The following IGFBP4 variants were observed in gnomAD, a reference collection of about 807,000 sequenced individuals.
IGFBP4 encodes the protein insulin-like growth factor-binding protein 4.
In IGFBP4, 9 loss-of-function variants were observed where a neutral mutation model predicts 25.8. The observed-to-expected ratio is 0.35, with a 90% confidence interval of 0.21 to 0.61. The LOEUF (loss-of-function observed/expected upper bound fraction) is 0.61, where lower values mean the gene tolerates loss of function less well. Ranked by LOEUF, IGFBP4 falls within the 20% of genes least tolerant of loss-of-function variation. IGFBP4 has a pLI of 0.77. For missense variants in IGFBP4, 315 were observed against 365.3 expected, an observed-to-expected ratio of 0.86 and a Z score of 1.12; for synonymous variants, 153 against 153.9, an observed-to-expected ratio of 0.99 and a Z score of 0.05.
chr17:40,444,091 T>C lies in IGFBP4; in HGVS notation c.349+7T>C. ...GAAAGCCTGCAGCCCTCTGGTAAGGTACCCCTGGCCTCCCAATTCCCTCCT... is the reference window on the plus strand; with the variant it reads ...GAAAGCCTGCAGCCCTCTGGTAAGGCACCCCTGGCCTCCCAATTCCCTCCT... On this transcript the variant is annotated splice_region_variant and intron_variant, in intron 1 of 3. Coordinates refer to ENST00000269593, the MANE Select transcript of IGFBP4 (RefSeq NM_001552.3). 1.3e-6 allele frequency: 2 copies of C among 1,530,618 alleles called. No individual in the cohort carries two copies. Among genetic ancestry groups the C allele is most frequent in the South Asian group, 1.2e-5 (1 of 83,850 alleles). The allele number at this position is 1,530,618 out of a possible 1,614,324, so 94.8% of individuals were successfully genotyped here. A position where few individuals can be genotyped will look rare whatever the true frequency, so the allele number is the denominator to read the frequency against.
chr17:40,446,973 C>T (rs771832250), intron 1 of IGFBP4, among the ~76,000 whole-genome samples: 4 of 152,262 alleles, frequency 2.6e-5, no homozygotes, highest in Admixed American at 2.0e-4. Flanking sequence ...CCCCTACCCA[C>T]CCATCTTTTT....
chr17:40,444,119 G>T, intron 1 of IGFBP4, 35 bp downstream of exon 1: 1 of 1,462,870 alleles, frequency 6.8e-7, no homozygotes, highest in Non-Finnish European at 9.2e-7. Flanking sequence ...TCCCTCCTGA[G>T]TGCGCTCCCT....
At chr17:40,444,932 CAGAG>C (rs10603634) in intron 1 of IGFBP4, among the ~76,000 whole-genome samples, 3,326 of 74,340 alleles carry the variant, frequency 0.045, 99 homozygotes, top group East Asian at 0.089. Flanking sequence ...CACACAGAGA[CAGAG>C]AGAGAGAGAG....
rs1337663030 is a variant in IGFBP4 at position 40,452,934 on chromosome 17, C to T, written c.350-51C>T. 4.4e-6 allele frequency: 6 copies of T among 1,375,282 alleles called. No individual in the cohort carries two copies. In the South Asian group the frequency reaches 5.4e-5, roughly 12 times the overall value. 85.2% of individuals were successfully genotyped at this position (1,375,282 alleles called of 1,614,324 possible). ...TGGGTGGGAGGCTGGGTTGGTGTGA[C>T]GCTCTGACCTCTTCCGGTGCTGACC... On this transcript the variant is annotated intron_variant, in intron 1 of 3. Transcript: ENST00000269593.
chr17:40,448,110 A>G (rs1338680747), intron 1 of IGFBP4, among the ~76,000 whole-genome samples: 1 of 152,220 alleles, frequency 6.6e-6, no homozygotes, highest in Non-Finnish European at 1.5e-5. Context: ...CTAGGGGAAG[A>G]GGGAAAAGAC....
chr17:40,446,232 G>C (rs116944733), intron 1 of IGFBP4, among the ~76,000 whole-genome samples: 194 of 151,152 alleles, frequency 1.3e-3, no homozygotes, highest in Non-Finnish European at 1.7e-3. Context: ...AGGTATTTGG[G>C]AGTCTGAGAT....
chr17:40,450,887 G>C (rs1369417713), intron 1 of IGFBP4, among the ~76,000 whole-genome samples: 2 of 152,082 alleles, frequency 1.3e-5, no homozygotes, highest in African/African-American at 4.8e-5. Context: ...TTACACCCCT[G>C]AAACACGGTG....
At chr17:40,449,603 G>T (rs1278141397) in intron 1 of IGFBP4, among the ~76,000 whole-genome samples, 1 of 152,106 alleles carries the variant, frequency 6.6e-6, no homozygotes, top group East Asian at 1.9e-4. Context: ...AAAAAAATTA[G>T]CTGGGCATGG....
rs1187956884 is a variant in IGFBP4 at position 40,456,895 on chromosome 17, C to G, written c.*312C>G. On this transcript the variant is annotated 3_prime_UTR_variant, in exon 4 of 4. Coordinates refer to ENST00000269593, the MANE Select transcript of IGFBP4 (RefSeq NM_001552.3). ...TTTCCAGATCGATCCTGGATTCACT[C>G]ACTCACTCATTCCTTCACTCATCCA... The G allele has an allele frequency of 2.8e-6, 1 of 359,464 alleles. No homozygotes were observed. 22.3% of individuals were successfully genotyped at this position (359,464 alleles called of 1,614,324 possible). A position where few individuals can be genotyped will look rare whatever the true frequency, so the allele number is the denominator to read the frequency against.
chr17:40,456,014 C>A (rs975712422), intron 3 of IGFBP4, among the ~76,000 whole-genome samples: 1 of 152,178 alleles, frequency 6.6e-6, no homozygotes, highest in Non-Finnish European at 1.5e-5. Flanking sequence ...TTAACCCTCA[C>A]CCAACTCATC....
intron 1 of IGFBP4, 35 bp downstream of exon 1, chr17:40,444,119 G>C: frequency 1.4e-6 from 2 of 1,462,870 alleles, no homozygotes; most frequent in Non-Finnish European, 1.8e-6. Flanking sequence ...TCCCTCCTGA[G>C]TGCGCTCCCT....
At chr17:40,455,384 G>C (rs897354986) in intron 3 of IGFBP4, among the ~76,000 whole-genome samples, 2 of 151,664 alleles carry the variant, frequency 1.3e-5, no homozygotes, top group African/African-American at 4.8e-5. Flanking sequence ...GCAGTGATGC[G>C]ATCACAGCTC....
At chr17:40,449,521 G>C (rs1276179675) in intron 1 of IGFBP4, among the ~76,000 whole-genome samples, 3 of 152,126 alleles carry the variant, frequency 2.0e-5, no homozygotes, top group Admixed American at 6.5e-5. Flanking sequence ...GGCCGAGGCA[G>C]GTGGATCACG....
intron 1 of IGFBP4, 61 bp downstream of exon 1, chr17:40,444,145 C>A: frequency 7.5e-7 from 1 of 1,334,096 alleles, no homozygotes; most frequent in Non-Finnish European, 1.0e-6. Flanking sequence ...GCGGCTTCTT[C>A]CCCATTCCAG....
At position 40,457,649 on chromosome 17, in the gene IGFBP4, A is replaced by T. The variant is rs1428840906; in HGVS notation, c.*1066A>T. 1 of 152,112 alleles carries T rather than the reference A, an allele frequency of 6.6e-6. No homozygotes were observed. Among genetic ancestry groups the T allele is most frequent in the African/African-American group, 2.4e-5 (1 of 41,390 alleles). 9.4% of individuals were successfully genotyped at this position (152,112 alleles called of 1,614,324 possible). ...TTGACTGGATGGAAGGAGACTTAGG[A>T]ACCTACCAGTTGGCCATGATGTCTT... On this transcript the variant is annotated 3_prime_UTR_variant, in exon 4 of 4. Coordinates refer to ENST00000269593, the MANE Select transcript of IGFBP4 (RefSeq NM_001552.3).
rs1309149766 is a variant in IGFBP4 at position 40,444,089 on chromosome 17, G to T, written c.349+5G>T. The T allele has an allele frequency of 3.3e-6, 5 of 1,531,992 alleles. No homozygotes were observed. The highest frequency in any genetic ancestry group is 1.7e-6 in the Non-Finnish European group (2 of 1,143,412). The allele number at this position is 1,531,992 out of a possible 1,614,324, so 94.9% of individuals were successfully genotyped here. ...AGGAAAGCCTGCAGCCCTCTGGTAAGGTACCCCTGGCCTCCCAATTCCCTC... is the reference window on the plus strand; with the variant it reads ...AGGAAAGCCTGCAGCCCTCTGGTAATGTACCCCTGGCCTCCCAATTCCCTC... On this transcript the variant is annotated splice_donor_5th_base_variant and intron_variant, in intron 1 of 3. Transcript: ENST00000269593.
intron 1 of IGFBP4, among the ~76,000 whole-genome samples, chr17:40,450,518 A>T (rs145273209): frequency 6.7e-6 from 1 of 149,070 alleles, no homozygotes; most frequent in African/African-American, 2.5e-5. Flanking sequence ...TAATTCTTGA[A>T]TTTTTTTTTT....
chr17:40,456,375 C>T, intron 3 of IGFBP4, 74 bp from the exon 4 acceptor site: 1 of 1,519,234 alleles, frequency 6.6e-7, no homozygotes, highest in Non-Finnish European at 9.0e-7. Context: ...CTGGGCTGGG[C>T]TGGGATTGGG....
chr17:40,447,705 C>G (rs569681777), intron 1 of IGFBP4, among the ~76,000 whole-genome samples: 1 of 152,248 alleles, frequency 6.6e-6, no homozygotes, highest in East Asian at 1.9e-4. Flanking sequence ...CTCCTCCTCC[C>G]CTTCCACCCA....
Sources: gnomAD v4.1 joint callset for allele counts (sites outside exome capture counted in the v4.1 genomes callset) on GRCh38, gnomAD v4.1.1 for gene constraint, MANE v1.5 for transcripts, NCBI Gene and HGNC (gene_info 2026-07-23, HGNC 2026-07-21) for gene names.